COL5A2: variants seen among roughly 807,000 people sequenced by gnomAD.
COL5A2 encodes the protein collagen type V alpha 2 chain, also known as collagen alpha-2(V) chain.
A neutral mutation model predicts 208.2 loss-of-function variants in COL5A2; 23 were observed. The ratio of observed to expected loss-of-function variants is 0.11; its 90% CI spans 0.08 to 0.16. The LOEUF (loss-of-function observed/expected upper bound fraction) is 0.16. Ranked by LOEUF, COL5A2 falls within the 10% of genes least tolerant of loss-of-function variation. The pLI, the probability that COL5A2 is intolerant of heterozygous loss-of-function variation, is 1.00. For missense variants in COL5A2, 1,590 were observed against 1,956.4 expected, an observed-to-expected ratio of 0.81 and a Z score of 3.53; for synonymous variants, 625 against 628.5, an observed-to-expected ratio of 0.99 and a Z score of 0.08.
rs181265994 is a variant in COL5A2, at chr2:189,168,334, G to T, written c.97+11174C>A. 4.5e-3 allele frequency among the ~76,000 whole-genome samples: 665 copies of T among 147,978 alleles called. 6 individuals carry two copies. The highest frequency in any genetic ancestry group is 7.6e-3 in the Admixed American group (112 of 14,698). ...TCTCAAAGCAAATATAGCCCTTTTT[G>T]CTGAAACCTCAGAAGTTTTATGTTT... On this transcript the variant is annotated intron_variant, in intron 1 of 53. Coordinates refer to ENST00000374866, the MANE Select transcript of COL5A2 (RefSeq NM_000393.5).
chr2:189,257,911 G>A, the COL5A2 span, among the ~76,000 whole-genome samples: 697 of 152,158 alleles, frequency 4.6e-3, 7 homozygotes, highest in Non-Finnish European at 5.7e-3. Context: ...TCAGGAGATC[G>A]AGACTGTCCT....
chr2:189,408,392 G>A, the COL5A2 span, among the ~76,000 whole-genome samples: 1 of 152,088 alleles, frequency 6.6e-6, no homozygotes, highest in Admixed American at 6.5e-5. Flanking sequence ...GATGCGGGAA[G>A]AAAGTACATA....
At chr2:189,082,330 G>T (rs1686553358) in intron 12 of COL5A2, among the ~76,000 whole-genome samples, 1 of 152,112 alleles carries the variant, frequency 6.6e-6, no homozygotes, top group African/African-American at 2.4e-5. Context: ...TGTTTTAGAG[G>T]GTTATCACAG....
the COL5A2 span, among the ~76,000 whole-genome samples, chr2:189,327,263 A>T: frequency 6.6e-6 from 1 of 152,122 alleles, no homozygotes; most frequent in Non-Finnish European, 1.5e-5. Context: ...TCCTTCCTCC[A>T]TACTTAGGAA....
At chr2:189,088,210 A>C (rs1187295190) in intron 8 of COL5A2, among the ~76,000 whole-genome samples, 1 of 152,238 alleles carries the variant, frequency 6.6e-6, no homozygotes. Context: ...AATTCAAAAG[A>C]GGGTAAGAAT....
intron 9 of COL5A2, among the ~76,000 whole-genome samples, 171 bp downstream of exon 9, chr2:189,086,555 T>C (rs980513977): frequency 2.6e-5 from 4 of 152,182 alleles, no homozygotes; most frequent in Admixed American, 6.5e-5. Flanking sequence ...TGCAAAGACA[T>C]GTGGCATATA....
intron 6 of COL5A2, among the ~76,000 whole-genome samples, chr2:189,093,203 T>C (rs984076229): frequency 1.3e-5 from 2 of 152,170 alleles, no homozygotes; most frequent in African/African-American, 4.8e-5. Context: ...GTTCTGGAAA[T>C]GCTCCGTCCT....
the COL5A2 span, among the ~76,000 whole-genome samples, chr2:189,339,223 C>T: frequency 2.2e-4 from 33 of 152,070 alleles, no homozygotes; most frequent in African/African-American, 6.8e-4. Flanking sequence ...TGGAGGCATG[C>T]GCCTGTAATC....
chr2:189,379,977 T>C, the COL5A2 span, among the ~76,000 whole-genome samples: 1 of 152,264 alleles, frequency 6.6e-6, no homozygotes, highest in South Asian at 2.1e-4. Context: ...TTGTCCAATA[T>C]GCACTGGTTG....
At chr2:189,370,230 C>A in the COL5A2 span, among the ~76,000 whole-genome samples, 1 of 152,220 alleles carries the variant, frequency 6.6e-6, no homozygotes, top group East Asian at 1.9e-4. Context: ...GTTATGAAGT[C>A]TAAGAAATGC....
the COL5A2 span, among the ~76,000 whole-genome samples, chr2:189,347,098 G>A: frequency 6.6e-6 from 1 of 152,200 alleles, no homozygotes; most frequent in Non-Finnish European, 1.5e-5. Context: ...AAGGGAATCA[G>A]AGGTATGAAA....
chr2:189,209,140 C>T (rs1171787734), intron 1 of COL5A2, among the ~76,000 whole-genome samples: 1 of 152,156 alleles, frequency 6.6e-6, no homozygotes, highest in African/African-American at 2.4e-5. Flanking sequence ...GAAGCTTCTA[C>T]AGTGATTCCT....
At chr2:189,189,967 T>A (rs1688902779) in intron 1 of COL5A2, among the ~76,000 whole-genome samples, 1 of 152,132 alleles carries the variant, frequency 6.6e-6, no homozygotes, top group Non-Finnish European at 1.5e-5. Context: ...ACACTAAATA[T>A]ACATGCAAAA....
At chr2:189,361,619 T>C in the COL5A2 span, among the ~76,000 whole-genome samples, 5 of 152,200 alleles carry the variant, frequency 3.3e-5, no homozygotes, top group East Asian at 5.8e-4. Flanking sequence ...AAATTTATTA[T>C]TGAGAGGTAA....
chr2:189,389,738 C>T, the COL5A2 span, among the ~76,000 whole-genome samples: 1 of 152,296 alleles, frequency 6.6e-6, no homozygotes, highest in South Asian at 2.1e-4. Context: ...CATCTCATCA[C>T]ATAACATGGT....
At chr2:189,358,746 AATTTCT>A in the COL5A2 span, among the ~76,000 whole-genome samples, 1 of 152,136 alleles carries the variant, frequency 6.6e-6, no homozygotes, top group African/African-American at 2.4e-5. Flanking sequence ...TCTTCTCTTC[AATTTCT>A]TTCATCAGTA....
intron 46 of COL5A2, 31 bp from the exon 47 acceptor site, chr2:189,045,263 C>T: frequency 6.5e-7 from 1 of 1,536,178 alleles, no homozygotes; most frequent in Non-Finnish European, 8.9e-7. Flanking sequence ...AAAAAATTGG[C>T]ATGTAAAAAA....
At chr2:189,165,762 G>A (rs983140033) in intron 1 of COL5A2, among the ~76,000 whole-genome samples, 7 of 152,174 alleles carry the variant, frequency 4.6e-5, no homozygotes, top group Admixed American at 4.6e-4. Flanking sequence ...TGGAAAAGAA[G>A]TGCTAACTGT....
At chr2:189,395,129 G>A in the COL5A2 span, among the ~76,000 whole-genome samples, 1 of 152,172 alleles carries the variant, frequency 6.6e-6, no homozygotes, top group African/African-American at 2.4e-5. Flanking sequence ...TTAGAATAAT[G>A]TATTTTAAAT....
Sources: gnomAD v4.1 joint callset for allele counts (sites outside exome capture counted in the v4.1 genomes callset) on GRCh38, gnomAD v4.1.1 for gene constraint, MANE v1.5 for transcripts, NCBI Gene and HGNC (gene_info 2026-07-23, HGNC 2026-07-21) for gene names.